Variants in CNNM2 observed in about 807,000 individuals in gnomAD.
CNNM2 encodes metal transporter CNNM2.
Under a neutral mutation model 66.9 loss-of-function variants are expected in CNNM2, and 12 were observed. That is an observed-to-expected ratio of 0.18 (90% CI 0.11 to 0.29). The LOEUF (loss-of-function observed/expected upper bound fraction) is 0.29. CNNM2 is among the 10% of genes least tolerant of loss of function. The pLI is 1.00. For missense variants in CNNM2, 705 were observed against 1,167.7 expected (o/e 0.60, Z 5.77); for synonymous variants, 557 against 501.8 (o/e 1.11, Z -1.47).
chr10:103,000,770 G>C (rs1034151551), intron 1 of CNNM2, among the ~76,000 whole-genome samples: 1 of 152,134 alleles, frequency 6.6e-6, no homozygotes, highest in Non-Finnish European at 1.5e-5. Context: ...GTAGAGATGG[G>C]GTTTTGCCAT....
chr10:102,976,774 C>CTA (rs2063641271), intron 1 of CNNM2, among the ~76,000 whole-genome samples: 1 of 151,656 alleles, frequency 6.6e-6, no homozygotes, highest in African/African-American at 2.4e-5. Flanking sequence ...GCCCTGTCCA[C>CTA]TACTTTCTAA....
chr10:102,988,351 T>C (rs1156656248), intron 1 of CNNM2, among the ~76,000 whole-genome samples: 1 of 152,084 alleles, frequency 6.6e-6, no homozygotes, highest in Non-Finnish European at 1.5e-5. Flanking sequence ...AGATAGGGTC[T>C]CAAGACCCTT....
chr10:103,081,816 A>T lies in CNNM2; in HGVS notation c.*4636A>T, dbSNP rs938028044. 6.6e-6 allele frequency: 1 copy of T among 152,206 alleles called. No individual in the cohort carries two copies. Among genetic ancestry groups the T allele is most frequent in the African/African-American group, 2.4e-5 (1 of 41,446 alleles). The allele number at this position is 152,206 out of a possible 1,614,324, so 9.4% of individuals were successfully genotyped here. A position where few individuals can be genotyped will look rare whatever the true frequency, so the allele number is the denominator to read the frequency against. ...TCCCTGGTCAACCCTACGGATGCGA[A>T]GAAGAGATGGCAGTTCACAGCAACT... On this transcript the variant is annotated 3_prime_UTR_variant, in exon 8 of 8. Transcript: ENST00000369878.
In CNNM2 at chr10:102,941,765, A is replaced by G. The variant is rs552721933; in HGVS notation, c.1621+21664A>G. On this transcript the variant is annotated intron_variant, in intron 1 of 7. Coordinates refer to ENST00000369878, the MANE Select transcript of CNNM2 (RefSeq NM_017649.5). The stretch of plus-strand genomic sequence containing the variant: ...CTTTTTCTCCTTAGCCCTCTACTGT[A>G]CTATATCTTATTCATCTTTTTTCTT... 4.6e-5 allele frequency among the ~76,000 whole-genome samples: 7 copies of G among 152,098 alleles called. 1 individual carries two copies. Among genetic ancestry groups the G allele is most frequent in the African/African-American group, 1.7e-4 (7 of 41,482 alleles).
chr10:103,009,043 G>A (rs559766497), intron 1 of CNNM2, among the ~76,000 whole-genome samples: 8 of 152,194 alleles, frequency 5.3e-5, no homozygotes, highest in African/African-American at 1.4e-4. Context: ...TTGGGAGGCC[G>A]AGGCAGGCGG....
At position 102,925,722 on chromosome 10, in the gene CNNM2, T is replaced by C. The variant is rs535759288; in HGVS notation, c.1621+5621T>C. Reference sequence around the variant, plus strand: ...CGTTGGTTTTTATTGGTCTCGTGATTTTCCTGTCAATATGTTAGATGCCCT... The same window carrying C: ...CGTTGGTTTTTATTGGTCTCGTGATCTTCCTGTCAATATGTTAGATGCCCT... On this transcript the variant is annotated intron_variant, in intron 1 of 7. Transcript: ENST00000369878. Among the ~76,000 whole-genome samples, 4 of 152,336 alleles carry C rather than the reference T, an allele frequency of 2.6e-5. No homozygotes were observed. In the South Asian group the frequency reaches 8.3e-4, roughly 32 times the overall value.
At chr10:102,940,661 G>A (rs772770728) in intron 1 of CNNM2, among the ~76,000 whole-genome samples, 4 of 151,106 alleles carry the variant, frequency 2.6e-5, no homozygotes, top group Non-Finnish European at 4.4e-5. Flanking sequence ...CTCGTGATCC[G>A]CCCTCCTTGG....
intron 6 of CNNM2, among the ~76,000 whole-genome samples, chr10:103,073,723 G>A (rs1290539646): frequency 2.6e-5 from 4 of 151,948 alleles, no homozygotes; most frequent in East Asian, 1.9e-4. Flanking sequence ...TTAGCCGGGC[G>A]CTGTGGTGGG....
intron 6 of CNNM2, among the ~76,000 whole-genome samples, chr10:103,072,393 T>C (rs2065599938): frequency 6.6e-6 from 1 of 152,196 alleles, no homozygotes; most frequent in South Asian, 2.1e-4. Flanking sequence ...GCGCCTCTGC[T>C]GTCCGCCAGG....
intron 1 of CNNM2, among the ~76,000 whole-genome samples, chr10:102,946,515 T>C (rs1363678270): frequency 1.3e-5 from 2 of 152,206 alleles, no homozygotes; most frequent in East Asian, 3.8e-4. Flanking sequence ...ATTTCTATCA[T>C]GCAGGACTTT....
chr10:102,998,107 T>A (rs992776506), intron 1 of CNNM2, among the ~76,000 whole-genome samples: 1 of 152,192 alleles, frequency 6.6e-6, no homozygotes, highest in Admixed American at 6.5e-5. Context: ...TTAGTGGGCA[T>A]TTATTTTCTG....
intron 1 of CNNM2, among the ~76,000 whole-genome samples, chr10:102,988,866 C>T (rs1015068305): frequency 1.9e-4 from 29 of 152,028 alleles, no homozygotes; most frequent in African/African-American, 6.5e-4. Flanking sequence ...CTTAGGTGAC[C>T]GACTAACTTT....
intron 1 of CNNM2, among the ~76,000 whole-genome samples, chr10:103,045,459 T>C (rs539464396): frequency 6.6e-6 from 1 of 152,294 alleles, no homozygotes; most frequent in East Asian, 1.9e-4. Context: ...ACCAGAGCCA[T>C]TGTCTGCGTA....
intron 1 of CNNM2, among the ~76,000 whole-genome samples, chr10:102,947,717 C>T (rs1846668884): frequency 6.6e-6 from 1 of 151,862 alleles, no homozygotes; most frequent in African/African-American, 2.4e-5. Context: ...CGCCACTGCA[C>T]TCCATCCAGC....
intron 1 of CNNM2, among the ~76,000 whole-genome samples, chr10:102,948,839 G>A (rs1846714909): frequency 6.6e-6 from 1 of 151,964 alleles, no homozygotes; most frequent in Admixed American, 6.6e-5. Flanking sequence ...ATTTGAAGAT[G>A]CCAAAAAGGA....
intron 1 of CNNM2, among the ~76,000 whole-genome samples, chr10:103,014,137 C>T (rs1421161683): frequency 6.6e-6 from 1 of 152,134 alleles, no homozygotes; most frequent in Non-Finnish European, 1.5e-5. Context: ...AAAGTCATAC[C>T]CTGATAGCTA....
chr10:102,919,309 C>A lies in CNNM2; in HGVS notation c.829C>A (p.Leu277Met). 1 of 1,613,886 alleles carries A rather than the reference C, an allele frequency of 6.2e-7. No homozygotes were observed. Among genetic ancestry groups the A allele is most frequent in the Non-Finnish European group, 8.5e-7 (1 of 1,180,044 alleles). ...GTCGGGCATGTTCAGCGGCCTCAAC[C>A]TGGGGCTCATGGCCCTGGACCCGAT... is the stretch of plus-strand genomic sequence containing the variant. ...CLSGMFSGLN[L>M]GLMALDPMEL... Residue 277 changes from leucine to methionine, a missense_variant, in exon 1 of 8, where the codon CTG becomes ATG. Physicochemically the swap from Leu to Met is conservative, Grantham distance 15. Around this residue, in one of 9 missense-constraint regions of CNNM2, gnomAD observed 49 missense variants for 183.7 expected, o/e 0.27. Transcript: ENST00000369878.
At position 103,089,965 on chromosome 10, in the gene CNNM2, C is replaced by CAAATCCTAACCCCTCTCCTCTGTTAGG; in HGVS notation, c.*12786_*12812dup. ...CAGGCAGAGCAAAGTAGCTACTCCC[C>CAAATCCTAACCCCTCTCCTCTGTTAGG]AAATCCTAACCCCTCTCCTCTGTTA... On this transcript the variant is annotated 3_prime_UTR_variant, in exon 8 of 8. Transcript: ENST00000369878. 1 of 1,410,532 alleles carries CAAATCCTAACCCCTCTCCTCTGTTAGG rather than the reference C, an allele frequency of 7.1e-7. No homozygotes were observed. Among genetic ancestry groups the CAAATCCTAACCCCTCTCCTCTGTTAGG allele is most frequent in the South Asian group, 1.4e-5 (1 of 72,952 alleles). 87.4% of individuals were successfully genotyped at this position (1,410,532 alleles called of 1,614,324 possible).
Position 102,918,643 on chromosome 10 carries a change from A to AGCT in CNNM2, c.172_174dup (p.Cys58dup). 1 of 1,548,478 alleles carries AGCT rather than the reference A, an allele frequency of 6.5e-7. No individual in the cohort carries two copies. Among genetic ancestry groups the AGCT allele is most frequent in the Non-Finnish European group, 8.7e-7 (1 of 1,147,162 alleles). The stretch of plus-strand genomic sequence containing the variant: ...GCGGCTGCTGCCGCTGCTCCTGCTG[A>AGCT]GCTGCTGCTGCGGTGCGGGCGGCTG... On this transcript the variant is annotated inframe_insertion, in exon 1 of 8. Transcript: ENST00000369878. The surrounding 1 kb of genome is among the most constrained non-coding windows in gnomAD (Gnocchi z 4.1).
Sources: allele counts gnomAD v4.1 joint callset (sites outside exome capture counted in the v4.1 genomes callset), GRCh38; gene constraint gnomAD v4.1.1; regional missense constraint gnomAD v4.1.1; non-coding constraint Gnocchi (gnomAD v3.1); transcripts MANE v1.5; gene names NCBI Gene and HGNC (gene_info 2026-07-23, HGNC 2026-07-21).